The following FTCDNL1 variants were observed in gnomAD, a reference collection of about 807,000 sequenced individuals.
FTCDNL1 encodes the protein formiminotransferase cyclodeaminase N-terminal like, also known as formiminotransferase N-terminal subdomain-containing protein.
A neutral mutation model predicts 5.9 loss-of-function variants in FTCDNL1; 11 were observed. The observed-to-expected ratio is 1.87, with a 90% CI of 1.18 to 3.10. The LOEUF (loss-of-function observed/expected upper bound fraction) is 3.10, where lower values mean the gene tolerates loss of function less well. Ranked by LOEUF, FTCDNL1 falls within the 30% of genes most tolerant of loss-of-function variation. The pLI is 0.00. For missense variants in FTCDNL1, 115 were observed against 65.5 expected (o/e 1.76, Z -2.61); for synonymous variants, 58 against 24.8 (o/e 2.34, Z -3.99).
At chr2:199,665,634 TAA>T in the FTCDNL1 span, among the ~76,000 whole-genome samples, 9,343 of 126,904 alleles carry the variant, frequency 0.074, 972 homozygotes, top group East Asian at 0.53. Flanking sequence ...AACTTCGTCT[TAA>T]AAAAAAAAAA....
the FTCDNL1 span, among the ~76,000 whole-genome samples, chr2:199,747,853 A>G: frequency 2.0e-5 from 3 of 152,116 alleles, no homozygotes; most frequent in African/African-American, 4.8e-5. Flanking sequence ...GAACATCAAC[A>G]TGAGTACACT....
At chr2:199,664,484 C>T in the FTCDNL1 span, among the ~76,000 whole-genome samples, 2 of 152,150 alleles carry the variant, frequency 1.3e-5, no homozygotes, top group Non-Finnish European at 2.9e-5. Flanking sequence ...TTCAATTCTG[C>T]TTTAATATCC....
the FTCDNL1 span, among the ~76,000 whole-genome samples, chr2:199,707,378 C>A: frequency 6.6e-6 from 1 of 151,800 alleles, no homozygotes; most frequent in Non-Finnish European, 1.5e-5. Flanking sequence ...TTAATATTTT[C>A]TATTACTTCT....
At chr2:199,758,664 C>T (rs1698152979), downstream of FTCDNL1, among the ~76,000 whole-genome samples, 1 of 152,168 alleles carries the variant, frequency 6.6e-6, no homozygotes, top group African/African-American at 2.4e-5. Flanking sequence ...CATTGATACC[C>T]ATAACAGCTG....
the FTCDNL1 span, among the ~76,000 whole-genome samples, chr2:199,684,535 A>G: frequency 6.6e-6 from 1 of 152,202 alleles, no homozygotes; most frequent in Non-Finnish European, 1.5e-5. Context: ...GATCTATGGC[A>G]TTGATTGGGA....
chr2:199,830,374 A>C (rs1702291833), intron 3 of FTCDNL1, among the ~76,000 whole-genome samples: 1 of 152,216 alleles, frequency 6.6e-6, no homozygotes, highest in Non-Finnish European at 1.5e-5. Flanking sequence ...CCTCTAATTA[A>C]GTGCAGACTA....
chr2:199,763,990 T>G (rs959569704), intron 3 of FTCDNL1, among the ~76,000 whole-genome samples: 1 of 152,240 alleles, frequency 6.6e-6, no homozygotes, highest in African/African-American at 2.4e-5. Flanking sequence ...TACAGATGCC[T>G]GCCACGACAC....
chr2:199,782,406 T>C (rs1455660138), intron 3 of FTCDNL1, among the ~76,000 whole-genome samples: 12 of 152,234 alleles, frequency 7.9e-5, no homozygotes, highest in Non-Finnish European at 4.4e-5. Context: ...GCAATCAAAA[T>C]ATAGAACATT....
chr2:199,720,672 G>A, the FTCDNL1 span, among the ~76,000 whole-genome samples: 544 of 152,152 alleles, frequency 3.6e-3, 8 homozygotes, highest in East Asian at 0.033. Context: ...GACACTTGCC[G>A]TTGGATTTAG....
At chr2:199,817,699 C>T (rs1701435736) in intron 4 of FTCDNL1, among the ~76,000 whole-genome samples, 1 of 150,048 alleles carries the variant, frequency 6.7e-6, no homozygotes, top group African/African-American at 2.5e-5. Flanking sequence ...GCCGAGATCG[C>T]ACCACTGTAC....
chr2:199,824,277 G>A (rs772978348), intron 3 of FTCDNL1, among the ~76,000 whole-genome samples: 7 of 152,084 alleles, frequency 4.6e-5, no homozygotes, highest in Non-Finnish European at 8.8e-5. Context: ...CTTTTCTTCC[G>A]TAGCATTGTC....
chr2:199,757,462 A>G (rs892968381), downstream of FTCDNL1, among the ~76,000 whole-genome samples: 3 of 152,252 alleles, frequency 2.0e-5, no homozygotes, highest in African/African-American at 7.2e-5. Context: ...AAAGGATGCC[A>G]GAAAGTACAT....
chr2:199,760,206 TAA>T (rs201486197), downstream of FTCDNL1, among the ~76,000 whole-genome samples: 49 of 131,228 alleles, frequency 3.7e-4, no homozygotes, highest in Non-Finnish European at 1.6e-4. Context: ...AAATCAGAAC[TAA>T]AAAAAAAAAA....
At chr2:199,776,076 G>T (rs1275344290) in intron 3 of FTCDNL1, among the ~76,000 whole-genome samples, 3 of 152,046 alleles carry the variant, frequency 2.0e-5, no homozygotes, top group Non-Finnish European at 4.4e-5. Context: ...ACCACGCCTG[G>T]CTAATTTTTG....
At chr2:199,752,267 T>C in the FTCDNL1 span, among the ~76,000 whole-genome samples, 1 of 152,186 alleles carries the variant, frequency 6.6e-6, no homozygotes. Flanking sequence ...CTACTTAGGT[T>C]CTTTGTGTGG....
chr2:199,745,642 A>G, the FTCDNL1 span, among the ~76,000 whole-genome samples: 3 of 152,262 alleles, frequency 2.0e-5, no homozygotes, highest in African/African-American at 7.2e-5. Context: ...TCACATTCTT[A>G]CTTTCCACTT....
chr2:199,664,845 A>G, the FTCDNL1 span, among the ~76,000 whole-genome samples: 1 of 152,174 alleles, frequency 6.6e-6, no homozygotes, highest in Non-Finnish European at 1.5e-5. Flanking sequence ...TTATGAAAAA[A>G]CAGTGGAGCT....
the FTCDNL1 span, among the ~76,000 whole-genome samples, chr2:199,704,051 G>A: frequency 1.3e-5 from 2 of 152,016 alleles, no homozygotes; most frequent in African/African-American, 2.4e-5. Context: ...GCCCCTCAGA[G>A]GACAATTGAA....
intron 3 of FTCDNL1, among the ~76,000 whole-genome samples, chr2:199,838,143 C>T (rs898398071): frequency 1.3e-5 from 2 of 152,164 alleles, no homozygotes; most frequent in Non-Finnish European, 2.9e-5. Context: ...GTGAGGAAGA[C>T]GTGGAACACA....
Sources: allele counts gnomAD v4.1 joint callset (sites outside exome capture counted in the v4.1 genomes callset), GRCh38; gene constraint gnomAD v4.1.1; transcripts MANE v1.5; gene names NCBI Gene and HGNC (gene_info 2026-07-23, HGNC 2026-07-21).